CERS3: variants seen among roughly 807,000 people sequenced by gnomAD.
CERS3 encodes the protein LAG1 homolog, ceramide synthase 3.
Under a neutral mutation model 50.3 loss-of-function variants are expected in CERS3, and 33 were observed. The observed-to-expected ratio is 0.66, with a 90% CI of 0.50 to 0.88. The LOEUF is 0.88. Ranked by LOEUF, CERS3 falls within the 40% of genes least tolerant of loss-of-function variation. The pLI is 0.00. For missense variants in CERS3, 470 were observed against 460.3 expected (o/e 1.02, Z -0.19); for synonymous variants, 176 against 155.2 (o/e 1.13, Z -0.99).
intron 11 of CERS3, among the ~76,000 whole-genome samples, chr15:100,421,292 GACAA>G (rs2032407309): frequency 1.3e-5 from 2 of 148,890 alleles, no homozygotes; most frequent in Admixed American, 6.7e-5. Flanking sequence ...ACCAATAACA[GACAA>G]ACAGAGAGCC....
chr15:100,492,887 G>T (rs2035694682), intron 3 of CERS3, among the ~76,000 whole-genome samples: 2 of 151,990 alleles, frequency 1.3e-5, no homozygotes, highest in South Asian at 4.2e-4. Context: ...TGATTCACTT[G>T]GGGATTATAA....
Position 100,502,757 on chromosome 15 carries a change from G to A in CERS3, c.-1-907C>T, listed in dbSNP as rs566745862. 1.3e-3 allele frequency among the ~76,000 whole-genome samples: 192 copies of A among 152,196 alleles called. 3 individuals are homozygous for A. In the South Asian group the frequency reaches 0.035, roughly 27 times the overall value. ...CCTGCCTTGAGGACATAATAGTCTC[G>A]TAAGCAAGGCAGGCCTGAACTCATG... On this transcript the variant is annotated intron_variant, in intron 2 of 11. Coordinates refer to ENST00000679737, the MANE Select transcript of CERS3 (RefSeq NM_001378789.1).
chr15:100,513,114 G>T (rs764801453), intron 2 of CERS3, among the ~76,000 whole-genome samples: 2 of 152,138 alleles, frequency 1.3e-5, no homozygotes, highest in Admixed American at 6.5e-5. Flanking sequence ...TCCCCTCATG[G>T]TCTTCCCTTC....
At chr15:100,451,921 C>T (rs943552722) in intron 11 of CERS3, among the ~76,000 whole-genome samples, 1 of 152,084 alleles carries the variant, frequency 6.6e-6, no homozygotes, top group African/African-American at 2.4e-5. Context: ...GAGATCAACT[C>T]AGCAAGAAAT....
chr15:100,437,926 A>G (rs1964820024), intron 11 of CERS3: 1 of 152,180 alleles, frequency 6.6e-6, no homozygotes, highest in Non-Finnish European at 1.5e-5. Flanking sequence ...AAAAAAGAAG[A>G]AAAACAAAAT....
chr15:100,405,528 A>G (rs147277648), intron 11 of CERS3, among the ~76,000 whole-genome samples: 203 of 152,362 alleles, frequency 1.3e-3, no homozygotes, highest in African/African-American at 4.7e-3. Flanking sequence ...AACTGTTGAC[A>G]TTTATAAGAA....
rs1555528317 is a variant in CERS3, at chr15:100,467,846, T to TAC, written c.845+1531_845+1532insGT. On this transcript the variant is annotated intron_variant, in intron 10 of 11. Coordinates refer to ENST00000679737, the MANE Select transcript of CERS3 (RefSeq NM_001378789.1). ...GTGTATATATATACGTGTATATATATATATATAGATAGATAGATAGATAGA... is the reference window on the plus strand; with the variant it reads ...GTGTATATATATACGTGTATATATATACATATATAGATAGATAGATAGATAGA... 7.4e-3 allele frequency among the ~76,000 whole-genome samples: 289 copies of TAC among 39,078 alleles called. 3 individuals are homozygous for TAC. The highest frequency in any genetic ancestry group is 0.017 in the African/African-American group (270 of 16,162). The allele number at this position is 39,078 out of a possible 152,430, so 25.6% of individuals were successfully genotyped here.
At chr15:100,513,843 T>A (rs540713162) in intron 2 of CERS3, among the ~76,000 whole-genome samples, 1 of 152,324 alleles carries the variant, frequency 6.6e-6, no homozygotes, top group Admixed American at 6.5e-5. Flanking sequence ...CCTTGTGGCA[T>A]GTGCATAGGC....
intron 10 of CERS3, among the ~76,000 whole-genome samples, chr15:100,464,830 C>T (rs1423686934): frequency 6.6e-6 from 1 of 152,166 alleles, no homozygotes; most frequent in Non-Finnish European, 1.5e-5. Flanking sequence ...GACCAGTGTG[C>T]TTTTGAATTT....
chr15:100,507,898 T>C (rs2142349849), intron 2 of CERS3, among the ~76,000 whole-genome samples: 1 of 152,388 alleles, frequency 6.6e-6, no homozygotes, highest in East Asian at 1.9e-4. Context: ...GCTTTCCTGA[T>C]TGCCTTGGTT....
intron 2 of CERS3, among the ~76,000 whole-genome samples, chr15:100,521,370 G>A (rs1452126035): frequency 6.6e-6 from 1 of 152,200 alleles, no homozygotes; most frequent in Non-Finnish European, 1.5e-5. Flanking sequence ...AACAGCAGGT[G>A]TTATGGGGGT....
At chr15:100,417,840 G>T (rs987599250) in intron 11 of CERS3, among the ~76,000 whole-genome samples, 2 of 151,840 alleles carry the variant, frequency 1.3e-5, no homozygotes, top group African/African-American at 4.9e-5. Flanking sequence ...TCACACAGCA[G>T]GGTATTCCAA....
intron 11 of CERS3, among the ~76,000 whole-genome samples, chr15:100,449,245 G>A (rs2034062837): frequency 6.6e-6 from 1 of 152,240 alleles, no homozygotes; most frequent in South Asian, 2.1e-4. Flanking sequence ...ACCTGCACAT[G>A]CAACCTGCAG....
In CERS3 at chr15:100,401,502, G is replaced by C. The variant is rs1006649636; in HGVS notation, c.*1211C>G. ...TCCCTCCTCCCAGGGAGCTGGCACT[G>C]ACTCTAGCACCTGCCCTTAAACATT... On this transcript the variant is annotated 3_prime_UTR_variant, in exon 12 of 12. Coordinates refer to ENST00000679737, the MANE Select transcript of CERS3 (RefSeq NM_001378789.1). 1 of 152,400 alleles carries C rather than the reference G, an allele frequency of 6.6e-6. No individual in the cohort carries two copies. Among genetic ancestry groups the C allele is most frequent in the Non-Finnish European group, 1.5e-5 (1 of 68,166 alleles). The allele number at this position is 152,400 out of a possible 1,614,324, so 9.4% of individuals were successfully genotyped here.
At chr15:100,450,783 G>A (rs1004881830) in intron 11 of CERS3, among the ~76,000 whole-genome samples, 1 of 152,076 alleles carries the variant, frequency 6.6e-6, no homozygotes, top group Non-Finnish European at 1.5e-5. Context: ...CAAAAACAAA[G>A]ATAGCATTCT....
Position 100,428,915 on chromosome 15 carries a change from C to T in CERS3, c.1000-26050G>A, listed in dbSNP as rs146279662. 4.4e-3 allele frequency among the ~76,000 whole-genome samples: 677 copies of T among 152,216 alleles called. 5 individuals carry two copies. Among genetic ancestry groups the T allele is most frequent in the African/African-American group, 0.015 (618 of 41,508 alleles). On this transcript the variant is annotated intron_variant, in intron 11 of 11. Coordinates refer to ENST00000679737, the MANE Select transcript of CERS3 (RefSeq NM_001378789.1). ...TAACCTATAGTTTAACAGGAGTAGC[C>T]GGAGAAGAGTGGAATAAACCTTTCA... is the stretch of plus-strand genomic sequence containing the variant.
chr15:100,517,936 A>T (rs1308388816), intron 2 of CERS3, among the ~76,000 whole-genome samples: 3 of 152,214 alleles, frequency 2.0e-5, no homozygotes, highest in Non-Finnish European at 1.5e-5. Context: ...TCTCTGGCCA[A>T]GGGCCAATGG....
intron 9 of CERS3, among the ~76,000 whole-genome samples, chr15:100,472,422 C>T (rs901278149): frequency 2.0e-5 from 3 of 152,040 alleles, no homozygotes; most frequent in African/African-American, 7.2e-5. Flanking sequence ...ACATTCTAAG[C>T]CCTCTTCCTC....
intron 11 of CERS3, among the ~76,000 whole-genome samples, chr15:100,440,985 G>A (rs943149325): frequency 6.6e-6 from 1 of 152,148 alleles, no homozygotes; most frequent in Non-Finnish European, 1.5e-5. Context: ...TTGCAGGGAC[G>A]CCTCTCTGAT....
Sources: gnomAD v4.1 joint callset for allele counts (sites outside exome capture counted in the v4.1 genomes callset) on GRCh38, gnomAD v4.1.1 for gene constraint, MANE v1.5 for transcripts, NCBI Gene and HGNC (gene_info 2026-07-23, HGNC 2026-07-21) for gene names.